The following MUC4 variants were observed in gnomAD, a reference collection of about 807,000 sequenced individuals.
The protein encoded by MUC4 is mucin 4, cell surface associated.
Under a neutral mutation model 257.9 loss-of-function variants are expected in MUC4, and 202 were observed. That is an observed-to-expected ratio of 0.78 (90% CI 0.70 to 0.88). The LOEUF is 0.88. Among genes scored for constraint, MUC4 ranks in the 40% least tolerant of loss-of-function variants. The probability of loss-of-function intolerance (pLI) is 0.00; values close to 1 mark genes in which losing one functional copy is unlikely to be tolerated. For synonymous variants in MUC4, 2,351 were observed against 2,757.1 expected, an observed-to-expected ratio of 0.85 and a Z score of 4.62; for missense variants, 5,976 against 6,513.7, an observed-to-expected ratio of 0.92 and a Z score of 2.84.
chr3:195,804,240 C>G (rs1735701247), intron 1 of MUC4, among the ~76,000 whole-genome samples: 1 of 152,220 alleles, frequency 6.6e-6, no homozygotes, highest in Non-Finnish European at 1.5e-5. Context: ...GTTCTTTTCT[C>G]TCCTTGAACC....
intron 7 of MUC4, among the ~76,000 whole-genome samples, chr3:195,768,314 G>A (rs1301487007): frequency 2.0e-5 from 3 of 152,158 alleles, no homozygotes; most frequent in Admixed American, 6.5e-5. Context: ...TGTGGCCTTC[G>A]TACTGATTGC....
chr3:195,779,980 G>A lies in MUC4; in HGVS notation c.11600C>T (p.Thr3867Ile), dbSNP rs1726594793. The A allele has an allele frequency of 6.9e-7, 1 of 1,444,996 alleles. No homozygotes were observed. Among genetic ancestry groups the A allele is most frequent in the Non-Finnish European group, 9.2e-7 (1 of 1,089,386 alleles). The allele number at this position is 1,444,996 out of a possible 1,614,324, so 89.5% of individuals were successfully genotyped here. ...LPVTSPSSAS[T>I]GHATPLPVTG... ...AACAGGAAGAGGGGTGGCGTGACCT[G>A]TGGATGCTGAGGAAGGGCTAGTGAC... is the stretch of plus-strand genomic sequence containing the variant. The change falls in exon 2 of 25, where the codon ACA becomes ATA. Residue 3867 changes from threonine (T) to isoleucine (I), a missense_variant. Thr to Ile is a moderately conservative substitution (Grantham distance 89, BLOSUM62 -1). Around this residue, in one of 44 missense-constraint regions of MUC4, gnomAD observed 330 missense variants for 262.0 expected, o/e 1.26. Transcript: ENST00000463781.
rs75610733 is a variant in MUC4, at chr3:195,779,356, C to A, written c.12224G>T (p.Arg4075Ile). 2 of 820,846 alleles carry A rather than the reference C, an allele frequency of 2.4e-6. 1 individual carries two copies. The highest frequency in any genetic ancestry group is 3.1e-6 in the Non-Finnish European group (2 of 650,270). 50.8% of individuals were successfully genotyped at this position (820,846 alleles called of 1,614,324 possible). A position where few individuals can be genotyped will look rare whatever the true frequency, so the allele number is the denominator to read the frequency against. The change falls in exon 2 of 25, where the codon AGA (arginine) becomes ATA (isoleucine). Residue 4075 changes from arginine (R) to isoleucine (I), a missense_variant. Physicochemically the swap from Arg to Ile is moderately conservative, Grantham distance 97. Transcript: ENST00000463781. ...GACAGGAAGAGTGCTGGTGTCACCT[C>A]TGGATGCTGAGGAAGGGCTGGTGAC... ...LHVTSPSSAS[R>I]GDTSTLPVTD... is the part of the protein sequence containing the mutation.
At position 195,806,989 on chromosome 3, in the gene MUC4, C is replaced by T. The variant is rs111944815; in HGVS notation, c.82+4747G>A. Among the ~76,000 whole-genome samples, 5 of 152,304 alleles carry T rather than the reference C, an allele frequency of 3.3e-5. 1 individual carries two copies. The highest frequency in any genetic ancestry group is 1.2e-4 in the African/African-American group (5 of 41,574). On this transcript the variant is annotated intron_variant, in intron 1 of 24. Coordinates refer to ENST00000463781, the MANE Select transcript of MUC4 (RefSeq NM_018406.7). ...CAACCTGGGCGGGGCGGCATCTCTA[C>T]AGAGAGTCGATGTCTGTCCTCTGTG...
chr3:195,773,678 C>T lies in MUC4; in HGVS notation c.13077+494G>A, dbSNP rs2550250. Among the ~76,000 whole-genome samples, 32 of 51,664 alleles carry T rather than the reference C, an allele frequency of 6.2e-4. 2 individuals are homozygous for T. The highest frequency in any genetic ancestry group is 2.6e-3 in the South Asian group (3 of 1,172). 33.9% of individuals were successfully genotyped at this position (51,664 alleles called of 152,430 possible). ...TCAGCAGGTGTGGACACCCTCTCGC[C>T]ATCGCTCAGCAGGTGTGGACACCCT... is the stretch of plus-strand genomic sequence containing the variant. On this transcript the variant is annotated intron_variant, in intron 4 of 24. Coordinates refer to ENST00000463781, the MANE Select transcript of MUC4 (RefSeq NM_018406.7).
chr3:195,788,833 C>T lies in MUC4; in HGVS notation c.2747G>A (p.Ser916Asn), dbSNP rs775805921. ...CAGGCTGATAGTGTCAGACCCTCTG[C>T]TGGTTCTTGTCCTCTGAGTCTGGGC... ...RMAQTQRTRT[S>N]RGSDTISLAS... Residue 916 changes from serine (S) to asparagine (N), a missense_variant, in exon 2 of 25, where the codon AGC becomes AAC. Physicochemically the swap from Ser to Asn is conservative, Grantham distance 46 (BLOSUM62 1). This residue lies in a region of MUC4 where 1,583 missense variants were observed against 1,257.4 expected (regional missense o/e 1.26). Transcript: ENST00000463781. The T allele has an allele frequency of 2.5e-6, 4 of 1,613,876 alleles. No homozygotes were observed. Among genetic ancestry groups the T allele is most frequent in the South Asian group, 2.2e-5 (2 of 91,076 alleles).
chr3:195,796,440 C>T (rs1734590239), intron 1 of MUC4, among the ~76,000 whole-genome samples: 1 of 149,434 alleles, frequency 6.7e-6, no homozygotes, highest in African/African-American at 2.4e-5. Flanking sequence ...AGGCCGGGTG[C>T]GGTGGCTCAC....
rs747525333 is a variant in MUC4, at chr3:195,788,520, A to C, written c.3060T>G (p.Gly1020=). Residue 1020 remains glycine, a synonymous_variant, in exon 2 of 25, where the codon GGT becomes GGG. Coordinates refer to ENST00000463781, the MANE Select transcript of MUC4 (RefSeq NM_018406.7). The part of the protein sequence containing the change: ...PVTSPSSVST[G]HTTPLPVTDT... ...CGGTGACAGGAAGAGGGGTGGTGTGACCTGTGGATACTGAGGAAGGGCTGG... is the reference window on the plus strand; with the variant it reads ...CGGTGACAGGAAGAGGGGTGGTGTGCCCTGTGGATACTGAGGAAGGGCTGG... The C allele has an allele frequency of 6.1e-6, 9 of 1,482,912 alleles. No individual in the cohort carries two copies. In the African/African-American group the frequency reaches 1.4e-4, roughly 23 times the overall value. 91.9% of individuals were successfully genotyped at this position (1,482,912 alleles called of 1,614,324 possible). A position where few individuals can be genotyped will look rare whatever the true frequency, so the allele number is the denominator to read the frequency against.
At chr3:195,801,382 C>A (rs559726271) in intron 1 of MUC4, among the ~76,000 whole-genome samples, 8 of 152,150 alleles carry the variant, frequency 5.3e-5, no homozygotes, top group Admixed American at 1.3e-4. Flanking sequence ...ACTGAAAGAA[C>A]CAAAGCCGTG....
chr3:195,808,498 C>A (rs1423325760), intron 1 of MUC4, among the ~76,000 whole-genome samples: 2 of 152,186 alleles, frequency 1.3e-5, no homozygotes, highest in African/African-American at 2.4e-5. Flanking sequence ...AGCCACCGCG[C>A]CCGGCCCTTT....
intron 1 of MUC4, among the ~76,000 whole-genome samples, chr3:195,805,028 T>C (rs187509403): frequency 1.2e-3 from 183 of 151,932 alleles, no homozygotes; most frequent in Non-Finnish European, 2.2e-3. Context: ...CAGCCGAGGC[T>C]GGAGAGAGGG....
chr3:195,807,764 A>C (rs1229911398), intron 1 of MUC4, among the ~76,000 whole-genome samples: 2 of 152,238 alleles, frequency 1.3e-5, no homozygotes, highest in Admixed American at 6.5e-5. Context: ...AATCAGAGAA[A>C]AGACACAGAG....
chr3:195,774,118 A>G (rs879139846), intron 4 of MUC4, 54 bp downstream of exon 4: 1 of 1,539,896 alleles, frequency 6.5e-7, no homozygotes, highest in South Asian at 1.2e-5. Context: ...TCGAAGCAGG[A>G]GAGAGAAGTG....
At chr3:195,766,864 G>T (rs568366960) in intron 7 of MUC4, 113 bp from the exon 8 acceptor site, 6 of 898,596 alleles carry the variant, frequency 6.7e-6, no homozygotes, top group African/African-American at 1.6e-5. Context: ...CCAGCTAGGC[G>T]GGCAGTGGGT....
Position 195,779,577 on chromosome 3 carries a change from A to T in MUC4, c.12003T>A (p.Leu4001=). The change falls in exon 2 of 25, where the codon CTT becomes CTA. Residue 4001 remains leucine, a synonymous_variant. Transcript: ENST00000463781. The stretch of plus-strand genomic sequence containing the variant: ...ATACTGAGGAAGTGCTGGTGACAGG[A>T]AGAGGGGTGGCGTGACCTGTGGATA... ...SSVSTGHATP[L]PVTSTSSVST... 6.9e-7 allele frequency: 1 copy of T among 1,444,694 alleles called. No homozygotes were observed. 89.5% of individuals were successfully genotyped at this position (1,444,694 alleles called of 1,614,324 possible).
chr3:195,781,528 G>A lies in MUC4; in HGVS notation c.10052C>T (p.Ser3351Phe), dbSNP rs1380853010. 1 of 1,467,892 alleles carries A rather than the reference G, an allele frequency of 6.8e-7. No homozygotes were observed. The highest frequency in any genetic ancestry group is 9.2e-7 in the Non-Finnish European group (1 of 1,091,198). 90.9% of individuals were successfully genotyped at this position (1,467,892 alleles called of 1,614,324 possible). ...DTTPVPVTDT[S>F]SVSTGHATPL... ...GGTGGCGTGACCTGTGGATACTGAG[G>A]AAGTGTCGGTGACAGGCACAGGGGT... The change falls in exon 2 of 25, where the codon TCC (serine) becomes TTC (phenylalanine). Residue 3351 changes from serine to phenylalanine, a missense_variant. Ser to Phe is a radical substitution (Grantham distance 155). Transcript: ENST00000463781.
In MUC4 at chr3:195,770,396, C is replaced by T. The variant is rs1476051120; in HGVS notation, c.13243-25G>A. 1.9e-6 allele frequency: 3 copies of T among 1,612,704 alleles called. No homozygotes were observed. The South Asian group carries it at 3.3e-5, about 18-fold the overall frequency. On this transcript the variant is annotated intron_variant, in intron 5 of 24. Transcript: ENST00000463781. ...CCTAGGAAAGGAGGGCAGATGAAAA[C>T]AAGCCAACGAGGGTCCCACTCCTAC...
chr3:195,781,963 G>T lies in MUC4; in HGVS notation c.9617C>A (p.Ala3206Asp). Residue 3206 changes from alanine to aspartate, a missense_variant, in exon 2 of 25, where the codon GCT becomes GAT. By Grantham distance (126) the Ala-to-Asp change is moderately radical (BLOSUM62 -2). Transcript: ENST00000463781. ...GGCCTGACCTGTGGATGCTGAGGAA[G>T]CGTCGGTGACAAGAAGAGGAGTGGC... ...GHATPLLVTD[A>D]SSASTGQATP... 6.8e-7 allele frequency: 1 copy of T among 1,472,586 alleles called. No individual in the cohort carries two copies. Among genetic ancestry groups the T allele is most frequent in the Non-Finnish European group, 9.0e-7 (1 of 1,109,398 alleles). The allele number at this position is 1,472,586 out of a possible 1,614,324, so 91.2% of individuals were successfully genotyped here.
At chr3:195,762,010 GC>G in intron 14 of MUC4, 76 bp downstream of exon 14, 1 of 1,466,450 alleles carries the variant, frequency 6.8e-7, no homozygotes, top group South Asian at 1.3e-5. Context: ...GAGCAGGGCT[GC>G]CCGGGCCGCC....
Sources: allele counts gnomAD v4.1 joint callset (sites outside exome capture counted in the v4.1 genomes callset), GRCh38; gene constraint gnomAD v4.1.1; regional missense constraint gnomAD v4.1.1; transcripts MANE v1.5; gene names NCBI Gene and HGNC (gene_info 2026-07-23, HGNC 2026-07-21).